Variants in SLC30A8 observed in about 807,000 individuals in gnomAD.
SLC30A8 encodes the protein proton-coupled zinc antiporter SLC30A8.
In SLC30A8, 27 loss-of-function variants were observed where a neutral mutation model predicts 36.9. The observed-to-expected ratio is 0.73, with a 90% CI of 0.54 to 1.01. SLC30A8 has a LOEUF of 1.01. Ranked by LOEUF, SLC30A8 falls within the 50% of genes least tolerant of loss-of-function variation. SLC30A8 has a pLI of 0.00. For missense variants in SLC30A8, 439 were observed against 452.0 expected (o/e 0.97, Z 0.26); for synonymous variants, 164 against 172.4 (o/e 0.95, Z 0.38).
intron 1 of SLC30A8, among the ~76,000 whole-genome samples, chr8:116,993,312 A>G (rs1040301410): frequency 3.9e-5 from 6 of 152,070 alleles, no homozygotes; most frequent in Non-Finnish European, 7.3e-5. Context: ...TTTAGGAGTC[A>G]GCACAATACT....
At chr8:117,100,116 A>G (rs1210031050) in intron 2 of SLC30A8, among the ~76,000 whole-genome samples, 2 of 152,210 alleles carry the variant, frequency 1.3e-5, no homozygotes, top group East Asian at 1.9e-4. Context: ...ATAGAAAATA[A>G]TAACAATTAT....
At chr8:117,098,487 A>G (rs1013751272) in intron 2 of SLC30A8, among the ~76,000 whole-genome samples, 1 of 152,172 alleles carries the variant, frequency 6.6e-6, no homozygotes, top group African/African-American at 2.4e-5. Flanking sequence ...GCTCCCTCCT[A>G]TCCACGGATG....
At chr8:117,029,679 G>C (rs1816974093) in intron 1 of SLC30A8, among the ~76,000 whole-genome samples, 1 of 152,134 alleles carries the variant, frequency 6.6e-6, no homozygotes, top group Non-Finnish European at 1.5e-5. Context: ...TAATGTAATG[G>C]AAAGATAATT....
At chr8:116,951,531 C>T (rs1023991812) in intron 1 of SLC30A8, among the ~76,000 whole-genome samples, 1 of 152,064 alleles carries the variant, frequency 6.6e-6, no homozygotes, top group Admixed American at 6.5e-5. Context: ...CCTTAGCACT[C>T]AAGTTTCCCC....
chr8:116,992,343 C>T (rs1293258688), intron 1 of SLC30A8, among the ~76,000 whole-genome samples: 2 of 152,020 alleles, frequency 1.3e-5, no homozygotes, highest in South Asian at 2.1e-4. Context: ...TAATTATAAA[C>T]GTTGGATTAA....
intron 1 of SLC30A8, among the ~76,000 whole-genome samples, chr8:117,142,584 C>T (rs1821703121): frequency 6.6e-6 from 1 of 152,080 alleles, no homozygotes; most frequent in African/African-American, 2.4e-5. Flanking sequence ...CTGTTCAAGA[C>T]AAGCACTTGA....
chr8:116,978,611 C>T (rs1345053624), intron 1 of SLC30A8, among the ~76,000 whole-genome samples: 3 of 152,078 alleles, frequency 2.0e-5, no homozygotes, highest in Non-Finnish European at 4.4e-5. Flanking sequence ...ACAGTATGTG[C>T]AAGAGCTTAA....
intron 1 of SLC30A8, among the ~76,000 whole-genome samples, chr8:117,037,503 GC>G (rs953894908): frequency 7.2e-5 from 11 of 152,122 alleles, no homozygotes; most frequent in Admixed American, 4.6e-4. Context: ...CCATACCACT[GC>G]CCCCCTCACC....
intron 1 of SLC30A8, among the ~76,000 whole-genome samples, chr8:117,008,695 A>G (rs74501677): frequency 0.015 from 2,215 of 152,284 alleles, 58 homozygotes; most frequent in African/African-American, 0.05. Context: ...CATGAGAACT[A>G]TATCTATCTG....
At chr8:117,052,694 G>A (rs148626206) in intron 2 of SLC30A8, among the ~76,000 whole-genome samples, 4 of 152,160 alleles carry the variant, frequency 2.6e-5, no homozygotes, top group African/African-American at 7.2e-5. Flanking sequence ...ATTCTACATA[G>A]AGGCATGAGC....
intron 1 of SLC30A8, among the ~76,000 whole-genome samples, chr8:117,144,580 AAT>A (rs1821811119): frequency 2.6e-5 from 4 of 152,326 alleles, no homozygotes; most frequent in African/African-American, 9.6e-5. Flanking sequence ...ATAATTTAAA[AAT>A]ATTAGTTAAT....
chr8:117,140,753 A>G (rs1426659024), intron 1 of SLC30A8, among the ~76,000 whole-genome samples: 4 of 152,102 alleles, frequency 2.6e-5, no homozygotes, highest in Non-Finnish European at 5.9e-5. Context: ...AGCAATAGTA[A>G]AGGAAGAAAT....
Position 116,960,740 on chromosome 8 carries a change from T to C in SLC30A8, c.-266+9621T>C, listed in dbSNP as rs116900118. Among the ~76,000 whole-genome samples, 1,020 of 152,340 alleles carry C rather than the reference T, an allele frequency of 6.7e-3. 15 individuals carry two copies. The highest frequency in any genetic ancestry group is 0.063 in the East Asian group (325 of 5,188). Reference sequence around the variant, plus strand: ...TTCTTTCTACTTGTGTAGGGTAGAATGGGCAGAATCTAGAGTAACTAGAAT... The same window carrying C: ...TTCTTTCTACTTGTGTAGGGTAGAACGGGCAGAATCTAGAGTAACTAGAAT... On this transcript the variant is annotated intron_variant, in intron 1 of 10. Transcript: ENST00000427715.
At chr8:117,153,227 G>A in intron 3 of SLC30A8, 137 bp downstream of exon 3, 1 of 783,724 alleles carries the variant, frequency 1.3e-6, no homozygotes, top group Non-Finnish European at 1.9e-6. Flanking sequence ...TAAAACAAAT[G>A]TGTATGTGGG....
intron 2 of SLC30A8, among the ~76,000 whole-genome samples, chr8:117,073,732 A>C (rs1818403317): frequency 6.6e-6 from 1 of 152,148 alleles, no homozygotes; most frequent in Non-Finnish European, 1.5e-5. Context: ...ATAAGTTTAA[A>C]CCAGTTTCTC....
chr8:117,110,991 G>A (rs906423214), intron 2 of SLC30A8, among the ~76,000 whole-genome samples: 1 of 152,082 alleles, frequency 6.6e-6, no homozygotes, highest in African/African-American at 2.4e-5. Context: ...GTGATTAATG[G>A]CTTAGAATCT....
At chr8:117,137,738 G>T (rs1258282168) in intron 1 of SLC30A8, among the ~76,000 whole-genome samples, 3 of 151,960 alleles carry the variant, frequency 2.0e-5, no homozygotes, top group African/African-American at 7.2e-5. Context: ...ACAGTCCAGA[G>T]TAGCAAGAGA....
intron 1 of SLC30A8, among the ~76,000 whole-genome samples, chr8:116,977,373 T>C (rs199828009): frequency 1.3e-5 from 2 of 150,212 alleles, no homozygotes; most frequent in East Asian, 3.9e-4. Context: ...CAGGATGGTA[T>C]TGATCTCCTG....
intron 2 of SLC30A8, among the ~76,000 whole-genome samples, chr8:117,115,267 A>C (rs537062639): frequency 6.6e-6 from 1 of 152,054 alleles, no homozygotes; most frequent in East Asian, 1.9e-4. Context: ...TAAATAGAAA[A>C]CCAGCAGGAG....
Sources: allele counts gnomAD v4.1 joint callset (sites outside exome capture counted in the v4.1 genomes callset), GRCh38; gene constraint gnomAD v4.1.1; transcripts MANE v1.5; gene names NCBI Gene and HGNC (gene_info 2026-07-23, HGNC 2026-07-21).